The following PROS1 variants were observed in gnomAD, a reference collection of about 807,000 sequenced individuals.
PROS1 encodes protein S.
A neutral mutation model predicts 75.9 loss-of-function variants in PROS1; 29 were observed. The observed-to-expected ratio is 0.38, with a 90% CI of 0.28 to 0.52. The LOEUF is 0.52. PROS1 is among the 20% of genes least tolerant of loss of function. The pLI, the probability that PROS1 is intolerant of heterozygous loss-of-function variation, is 0.83. For synonymous variants in PROS1, 245 were observed against 280.6 expected, an observed-to-expected ratio of 0.87 and a Z score of 1.27; for missense variants, 680 against 810.3, an observed-to-expected ratio of 0.84 and a Z score of 1.95.
At chr3:93,919,474 G>GA (rs1371190564) in intron 3 of PROS1, among the ~76,000 whole-genome samples, 27 of 143,820 alleles carry the variant, frequency 1.9e-4, no homozygotes, top group Admixed American at 1.1e-3. Context: ...CTGCGGATTT[G>GA]AAAAAAAATA....
Position 93,938,725 on chromosome 3 carries a change from C to T in PROS1, c.77-11318G>A, listed in dbSNP as rs552817965. ...AGAGACAAAGGAGACACATTTCATC[C>T]GTGGACCCAAAACTCTGGTGCTGGT... On this transcript the variant is annotated intron_variant, in intron 1 of 14. Coordinates refer to ENST00000394236, the MANE Select transcript of PROS1 (RefSeq NM_000313.4). Among the ~76,000 whole-genome samples, 157 of 152,300 alleles carry T rather than the reference C, an allele frequency of 1.0e-3. 1 individual carries two copies. Among genetic ancestry groups the T allele is most frequent in the Middle Eastern group, 3.4e-3 (1 of 294 alleles).
intron 1 of PROS1, among the ~76,000 whole-genome samples, chr3:93,946,626 C>T (rs1709404519): frequency 6.6e-6 from 1 of 151,972 alleles, no homozygotes; most frequent in Non-Finnish European, 1.5e-5. Flanking sequence ...AAACTGGATC[C>T]CTTCCTTACA....
chr3:93,885,139 C>T (rs1404454055), intron 11 of PROS1, among the ~76,000 whole-genome samples: 1 of 152,160 alleles, frequency 6.6e-6, no homozygotes, highest in African/African-American at 2.4e-5. Flanking sequence ...CACTTCAAGC[C>T]CCACCTGCCT....
chr3:93,952,529 A>G (rs754253293), intron 1 of PROS1, among the ~76,000 whole-genome samples: 2 of 152,190 alleles, frequency 1.3e-5, no homozygotes, highest in African/African-American at 2.4e-5. Flanking sequence ...TTTGAAACCA[A>G]TGAGAACAAA....
At chr3:93,960,093 T>C (rs938515244) in intron 1 of PROS1, among the ~76,000 whole-genome samples, 20 of 152,112 alleles carry the variant, frequency 1.3e-4, no homozygotes, top group African/African-American at 4.8e-4. Flanking sequence ...AAAATGTTTC[T>C]AACAGACATA....
chr3:93,945,591 C>T (rs1219400863), intron 1 of PROS1, among the ~76,000 whole-genome samples: 4 of 152,158 alleles, frequency 2.6e-5, no homozygotes, highest in African/African-American at 7.2e-5. Flanking sequence ...CAGAAAAGGC[C>T]TTCAGCAAAA....
intron 9 of PROS1, among the ~76,000 whole-genome samples, chr3:93,896,360 A>AC (rs1480152886): frequency 6.6e-6 from 1 of 152,184 alleles, no homozygotes; most frequent in African/African-American, 2.4e-5. Context: ...TCATTGGGGA[A>AC]AGTCAGCCTA....
chr3:93,962,855 A>G (rs1354782145), intron 1 of PROS1, among the ~76,000 whole-genome samples: 8 of 152,242 alleles, frequency 5.3e-5, no homozygotes, highest in African/African-American at 1.9e-4. Context: ...GTAGAAGAAT[A>G]AATTTTGGTA....
chr3:93,934,709 G>T (rs1364900563), intron 1 of PROS1, among the ~76,000 whole-genome samples: 2 of 152,028 alleles, frequency 1.3e-5, no homozygotes, highest in Non-Finnish European at 2.9e-5. Context: ...ATAAAGGCGA[G>T]TTCTAAAACA....
intron 13 of PROS1, among the ~76,000 whole-genome samples, chr3:93,877,658 A>G (rs573880922): frequency 1.2e-4 from 18 of 152,322 alleles, no homozygotes; most frequent in African/African-American, 3.8e-4. Context: ...CAGACTTGGG[A>G]TAAAATAAAT....
At chr3:93,925,711 C>T (rs567297549) in intron 2 of PROS1, among the ~76,000 whole-genome samples, 107 of 149,802 alleles carry the variant, frequency 7.1e-4, no homozygotes, top group South Asian at 4.6e-3. Flanking sequence ...GTAGTCTCAG[C>T]GACACAGGAG....
chr3:93,924,291 C>T (rs1708986016), intron 2 of PROS1, 27 bp from the exon 3 acceptor site: 1 of 1,229,238 alleles, frequency 8.1e-7, no homozygotes, highest in Non-Finnish European at 1.1e-6. Context: ...GAAAACATAT[C>T]TTAGCAAACC....
intron 14 of PROS1, among the ~76,000 whole-genome samples, chr3:93,875,876 C>A (rs1708180058): frequency 6.6e-6 from 1 of 152,118 alleles, no homozygotes; most frequent in South Asian, 2.1e-4. Context: ...TCTGAAAATG[C>A]TTCTAAATAA....
At chr3:93,897,240 C>T (rs1708515337) in intron 8 of PROS1, among the ~76,000 whole-genome samples, 1 of 152,038 alleles carries the variant, frequency 6.6e-6, no homozygotes, top group Non-Finnish European at 1.5e-5. Flanking sequence ...ATCTCATAGT[C>T]TCCAAGGAAT....
chr3:93,954,314 C>G (rs1478622612), intron 1 of PROS1, among the ~76,000 whole-genome samples: 2 of 152,068 alleles, frequency 1.3e-5, no homozygotes, highest in Non-Finnish European at 2.9e-5. Flanking sequence ...CTTGCTACCT[C>G]ACTTCAAACT....
At chr3:93,901,925 C>T (rs964515370) in intron 6 of PROS1, among the ~76,000 whole-genome samples, 2 of 152,054 alleles carry the variant, frequency 1.3e-5, no homozygotes, top group Non-Finnish European at 2.9e-5. Flanking sequence ...GTAAAATATC[C>T]GATTTTTAAA....
At chr3:93,961,831 A>G (rs1709709798) in intron 1 of PROS1, among the ~76,000 whole-genome samples, 2 of 152,194 alleles carry the variant, frequency 1.3e-5, no homozygotes, top group African/African-American at 4.8e-5. Flanking sequence ...CAATCTTGGC[A>G]CACACCAAAT....
chr3:93,912,939 C>G (rs1194322126), intron 3 of PROS1, among the ~76,000 whole-genome samples: 1 of 152,154 alleles, frequency 6.6e-6, no homozygotes, highest in Non-Finnish European at 1.5e-5. Context: ...CTCCAGCCCC[C>G]AAAATTCATG....
intron 1 of PROS1, among the ~76,000 whole-genome samples, chr3:93,953,200 G>A (rs1709535374): frequency 6.6e-6 from 1 of 152,146 alleles, no homozygotes. Context: ...AATAGAAAAA[G>A]AGGAAATCCT....
Sources: gnomAD v4.1 joint callset for allele counts (sites outside exome capture counted in the v4.1 genomes callset) on GRCh38, gnomAD v4.1.1 for gene constraint, MANE v1.5 for transcripts, NCBI Gene and HGNC (gene_info 2026-07-23, HGNC 2026-07-21) for gene names.